PRH1: variants seen among roughly 807,000 people sequenced by gnomAD.
PRH1 encodes proline rich protein HaeIII subfamily 1.
PRH1 carries 7 observed loss-of-function variants against 7.9 expected under a neutral mutation model. The observed-to-expected ratio is 0.89, with a 90% CI of 0.50 to 1.67. The LOEUF is 1.67. Among genes scored for constraint, PRH1 ranks in the 40% most tolerant of loss-of-function variants. PRH1 has a pLI of 0.00. For missense variants in PRH1, 109 were observed against 223.6 expected (o/e 0.49, Z 3.27); for synonymous variants, 45 against 80.8 (o/e 0.56, Z 2.38).
At chr12:11,110,693 A>G (rs573616211) in intron 1 of PRH1, among the ~76,000 whole-genome samples, 1 of 152,342 alleles carries the variant, frequency 6.6e-6, no homozygotes, top group African/African-American at 2.4e-5. Context: ...CAGCCACTTC[A>G]GAAAAACACC....
At chr12:10,930,308 A>C (rs148842443) in intron 2 of PRH1, 79 of 1,610,622 alleles carry the variant, frequency 4.9e-5, no homozygotes, top group Middle Eastern at 1.7e-4. Context: ...ATATCAGGTA[A>C]ATCCCAATAA....
chr12:11,075,257 G>A (rs796592337), intron 1 of PRH1, among the ~76,000 whole-genome samples: 40,541 of 87,446 alleles, frequency 0.46, 6,189 homozygotes, highest in Non-Finnish European at 0.56. Flanking sequence ...ATTTTTAAAA[G>A]CGAAATGCCA....
intron 1 of PRH1, among the ~76,000 whole-genome samples, chr12:10,981,111 T>A (rs116745772): frequency 0.015 from 2,309 of 152,268 alleles, 19 homozygotes; most frequent in South Asian, 0.031. Context: ...AGAAGCAGAA[T>A]TCAATGATTG....
chr12:11,104,181 T>TAA (rs760838136), intron 1 of PRH1, among the ~76,000 whole-genome samples: 16 of 49,550 alleles, frequency 3.2e-4, no homozygotes, highest in South Asian at 4.9e-4. Context: ...AATGAAAGAG[T>TAA]AAAAAAAAAA....
intron 1 of PRH1, among the ~76,000 whole-genome samples, chr12:11,045,153 G>A (rs1942858068): frequency 6.6e-6 from 1 of 152,158 alleles, no homozygotes; most frequent in African/African-American, 2.4e-5. Flanking sequence ...GTCATTTGCA[G>A]CAATATATGG....
intron 1 of PRH1, among the ~76,000 whole-genome samples, chr12:10,989,260 C>T (rs1165234513): frequency 2.0e-5 from 3 of 152,136 alleles, no homozygotes; most frequent in Admixed American, 6.5e-5. Context: ...CTGAAATTTA[C>T]TCACATACTT....
downstream of PRH1, among the ~76,000 whole-genome samples, chr12:11,120,086 G>T (rs886571080): frequency 1.3e-5 from 2 of 152,074 alleles, no homozygotes; most frequent in Non-Finnish European, 2.9e-5. Flanking sequence ...ATAACTTCCA[G>T]TTTCCTCTTT....
chr12:10,958,221 C>T (rs1181314327), intron 2 of PRH1, among the ~76,000 whole-genome samples: 1 of 152,060 alleles, frequency 6.6e-6, no homozygotes, highest in Non-Finnish European at 1.5e-5. Context: ...CCATGGAATA[C>T]TATGCAGTCA....
intron 1 of PRH1, among the ~76,000 whole-genome samples, chr12:11,018,282 T>A (rs1223581230): frequency 6.6e-6 from 1 of 152,154 alleles, no homozygotes; most frequent in Non-Finnish European, 1.5e-5. Flanking sequence ...AGAACATTAA[T>A]CCAAGCAAAA....
chr12:11,153,105 T>A (rs374076167), intron 1 of PRH1, among the ~76,000 whole-genome samples: 60 of 152,176 alleles, frequency 3.9e-4, no homozygotes, highest in Non-Finnish European at 5.0e-4. Context: ...AAATAACTTA[T>A]AATCAAGTTC....
At chr12:10,996,937 C>T in intron 1 of PRH1, 1 of 1,590,420 alleles carries the variant, frequency 6.3e-7, no homozygotes, top group Middle Eastern at 1.7e-4. Flanking sequence ...CAATGCACCT[C>T]TTGTGAATCT....
At chr12:10,965,058 CA>C in intron 2 of PRH1, 1 of 1,068,746 alleles carries the variant, frequency 9.4e-7, no homozygotes. Flanking sequence ...AGGCTAGTAG[CA>C]ACCCAGATGC....
intron 1 of PRH1, among the ~76,000 whole-genome samples, chr12:11,158,230 T>A (rs917435616): frequency 1.3e-5 from 2 of 152,158 alleles, no homozygotes; most frequent in African/African-American, 2.4e-5. Flanking sequence ...CAAGCAAAAT[T>A]CTCTTAACTG....
At chr12:11,166,308 T>G (rs1295020190) in intron 1 of PRH1, 1 of 152,372 alleles carries the variant, frequency 6.6e-6, no homozygotes, top group Non-Finnish European at 1.5e-5. Flanking sequence ...GATTGGTGGG[T>G]TTTCTGCCTT....
In PRH1 at chr12:11,058,313, G is replaced by T. The variant is rs560849125; in HGVS notation, n.124-11125C>A. Among the ~76,000 whole-genome samples the T allele has an allele frequency of 3.3e-5, 5 of 152,242 alleles. No individual in the cohort carries two copies. In the South Asian group the frequency reaches 1.0e-3, roughly 32 times the overall value. On this transcript the variant is annotated intron_variant and non_coding_transcript_variant, in intron 1 of 4. Transcript: ENST00000541977. ...TAATATTGTAAAATACTATAACATTGAATGGAAGTAAAATACCAGAAGAAA... is the reference window on the plus strand; with the variant it reads ...TAATATTGTAAAATACTATAACATTTAATGGAAGTAAAATACCAGAAGAAA...
chr12:10,889,288 A>G (rs1949537585), intron 2 of PRH1, among the ~76,000 whole-genome samples: 1 of 152,226 alleles, frequency 6.6e-6, no homozygotes, highest in Admixed American at 6.5e-5. Flanking sequence ...TTTATTGAAC[A>G]TAAACATCTG....
chr12:10,915,503 T>A lies in PRH1; in HGVS notation c.-58-31228A>T, dbSNP rs1410556555. Among the ~76,000 whole-genome samples the A allele has an allele frequency of 8.8e-5, 4 of 45,604 alleles. 2 individuals carry two copies. The highest frequency in any genetic ancestry group is 3.1e-4 in the Non-Finnish European group (4 of 12,762). The allele number at this position is 45,604 out of a possible 152,430, so 29.9% of individuals were successfully genotyped here. On this transcript the variant is annotated intron_variant, in intron 2 of 3. Coordinates refer to the PRH1 transcript ENST00000539853. Reference sequence around the variant, plus strand: ...CTAAAAAATTGAGTTTCTTAAAAAATTGTGCTTCTGAAAGAAATGCCAACC... The same window carrying A: ...CTAAAAAATTGAGTTTCTTAAAAAAATGTGCTTCTGAAAGAAATGCCAACC...
chr12:11,103,204 G>A (rs148601556), intron 1 of PRH1, among the ~76,000 whole-genome samples: 68,783 of 151,464 alleles, frequency 0.45, 16,377 homozygotes, highest in Non-Finnish European at 0.52. Flanking sequence ...TATAAACGAA[G>A]GATTATAAAT....
At chr12:10,982,130 G>C (rs1939386474) in intron 1 of PRH1, among the ~76,000 whole-genome samples, 1 of 152,122 alleles carries the variant, frequency 6.6e-6, no homozygotes, top group Non-Finnish European at 1.5e-5. Context: ...ACAGCTGTCA[G>C]GACTCTTACA....
Sources: allele counts gnomAD v4.1 joint callset (sites outside exome capture counted in the v4.1 genomes callset), GRCh38; gene constraint gnomAD v4.1.1; transcripts MANE v1.5; gene names NCBI Gene and HGNC (gene_info 2026-07-23, HGNC 2026-07-21).